DPH6: variants seen among roughly 807,000 people sequenced by gnomAD.
DPH6 encodes diphthine--ammonia ligase.
Under a neutral mutation model 38.2 loss-of-function variants are expected in DPH6, and 33 were observed. That is an observed-to-expected ratio of 0.86 (90% CI 0.65 to 1.15). The LOEUF (loss-of-function observed/expected upper bound fraction) is 1.15, where lower values mean the gene tolerates loss of function less well. Ranked by LOEUF, DPH6 falls within the 50% of genes most tolerant of loss-of-function variation. The pLI, the probability that DPH6 is intolerant of heterozygous loss-of-function variation, is 0.00. For synonymous variants in DPH6, 108 were observed against 103.0 expected (o/e 1.05, Z -0.30); for missense variants, 325 against 320.0 (o/e 1.02, Z -0.12).
At chr15:35,315,068 A>C (rs2052177249) in intron 3 of DPH6, among the ~76,000 whole-genome samples, 1 of 152,142 alleles carries the variant, frequency 6.6e-6, no homozygotes. Context: ...ATGAACCAAA[A>C]ACTGCAATGC....
chr15:35,440,204 G>A (rs989586819), intron 5 of DPH6, among the ~76,000 whole-genome samples: 4 of 152,170 alleles, frequency 2.6e-5, no homozygotes, highest in Admixed American at 6.5e-5. Context: ...GGTGATGGGA[G>A]TAAATAAGGT....
At chr15:35,379,673 A>C (rs527513681) in intron 7 of DPH6, among the ~76,000 whole-genome samples, 1 of 152,324 alleles carries the variant, frequency 6.6e-6, no homozygotes, top group Non-Finnish European at 1.5e-5. Flanking sequence ...GATTTTGTTT[A>C]TATTAAGTGA....
chr15:35,419,496 T>C lies in DPH6; in HGVS notation c.506-8600A>G, dbSNP rs559613819. ...GTTTTAAATTCTCCAATCAAAAATA[T>C]AGAGAGGCAGAATGGATGAAAAAGT... On this transcript the variant is annotated intron_variant, in intron 5 of 8. Transcript: ENST00000256538. Among the ~76,000 whole-genome samples, 9 of 152,154 alleles carry C rather than the reference T, an allele frequency of 5.9e-5. No homozygotes were observed. The East Asian group carries it at 7.7e-4, about 13-fold the overall frequency.
At chr15:35,279,917 C>T (rs753039894) in intron 3 of DPH6, among the ~76,000 whole-genome samples, 1 of 152,010 alleles carries the variant, frequency 6.6e-6, no homozygotes, top group Non-Finnish European at 1.5e-5. Context: ...AAAGCTAATC[C>T]AATAGGACTG....
chr15:35,401,183 G>C, intron 6 of DPH6: 1 of 1,181,112 alleles, frequency 8.5e-7, no homozygotes, highest in East Asian at 2.3e-5. Context: ...TGTGAAGTTA[G>C]GAAAGCCCTG....
In DPH6 at chr15:35,370,997, T is replaced by C. The variant is rs1282509205; in HGVS notation, c.*1153A>G. 2.0e-5 allele frequency: 3 copies of C among 151,542 alleles called. No homozygotes were observed. The allele number at this position is 151,542 out of a possible 1,614,324, so 9.4% of individuals were successfully genotyped here. On this transcript the variant is annotated 3_prime_UTR_variant, in exon 9 of 9. Coordinates refer to ENST00000256538, the MANE Select transcript of DPH6 (RefSeq NM_080650.4). Reference sequence around the variant, plus strand: ...GGTAGAACCAGACAATAAAATTTTATTCTACACTAAAAAAAAAATGAGCTA... The same window carrying C: ...GGTAGAACCAGACAATAAAATTTTACTCTACACTAAAAAAAAAATGAGCTA...
chr15:35,420,109 C>T (rs1355444658), intron 5 of DPH6, among the ~76,000 whole-genome samples: 1 of 151,962 alleles, frequency 6.6e-6, no homozygotes, highest in Non-Finnish European at 1.5e-5. Context: ...TGCTATGAAA[C>T]TAGGTATCAA....
chr15:35,196,672 T>G, the DPH6 span, among the ~76,000 whole-genome samples: 1 of 152,216 alleles, frequency 6.6e-6, no homozygotes. Flanking sequence ...TGACAATGTG[T>G]TGAAAAGAGG....
At chr15:35,496,567 A>AAAAAAATATATATATATATATATATATAT in intron 3 of DPH6, among the ~76,000 whole-genome samples, 1 of 31,016 alleles carries the variant, frequency 3.2e-5, no homozygotes, top group African/African-American at 1.4e-4. Context: ...AAAAAAAAAA[A>AAAAAAATATATATATATATATATATATAT]ATATATATAT....
chr15:35,497,828 A>G (rs1486311244), intron 3 of DPH6, among the ~76,000 whole-genome samples: 1 of 152,228 alleles, frequency 6.6e-6, no homozygotes, highest in Non-Finnish European at 1.5e-5. Flanking sequence ...CAGATACTTA[A>G]AAGACAATAT....
At chr15:35,515,563 T>C (rs1340829201) in intron 3 of DPH6, among the ~76,000 whole-genome samples, 3 of 151,364 alleles carry the variant, frequency 2.0e-5, no homozygotes, top group Non-Finnish European at 4.4e-5. Context: ...CTACTAAAAA[T>C]ATAAAAAATT....
chr15:35,169,211 T>C, the DPH6 span, among the ~76,000 whole-genome samples: 1 of 152,124 alleles, frequency 6.6e-6, no homozygotes, highest in Non-Finnish European at 1.5e-5. Context: ...ATCATATTCA[T>C]GAAAATGTGA....
At chr15:35,503,218 G>T (rs1003225636) in intron 3 of DPH6, among the ~76,000 whole-genome samples, 2 of 151,670 alleles carry the variant, frequency 1.3e-5, no homozygotes, top group African/African-American at 4.8e-5. Flanking sequence ...ACATACCTTT[G>T]TTATAAGTAA....
At chr15:35,299,489 C>G in intron 3 of DPH6, 1 of 746,118 alleles carries the variant, frequency 1.3e-6, no homozygotes, top group Non-Finnish European at 2.5e-6. Context: ...GCCCATGGGC[C>G]GCGGTGGCGG....
At chr15:35,258,891 G>A (rs2051725171) in intron 3 of DPH6, among the ~76,000 whole-genome samples, 1 of 152,058 alleles carries the variant, frequency 6.6e-6, no homozygotes, top group African/African-American at 2.4e-5. Flanking sequence ...GCTCACACCT[G>A]TAACCCCAGC....
In DPH6 at chr15:35,309,797, T is replaced by C. The variant is rs534580696; in HGVS notation, n.200+63724A>G. Reference sequence around the variant, plus strand: ...GAGGTTAAAAAGACATATTTTTTGGTAAAAATAAAATCCCTTTGACTTTTA... The same window carrying C: ...GAGGTTAAAAAGACATATTTTTTGGCAAAAATAAAATCCCTTTGACTTTTA... On this transcript the variant is annotated intron_variant and non_coding_transcript_variant, in intron 3 of 3. Coordinates refer to the DPH6 transcript ENST00000560386. 8.6e-4 allele frequency among the ~76,000 whole-genome samples: 131 copies of C among 152,346 alleles called. 1 individual carries two copies. The highest frequency in any genetic ancestry group is 1.5e-3 in the Non-Finnish European group (102 of 68,030).
intron 3 of DPH6, among the ~76,000 whole-genome samples, chr15:35,300,579 G>C (rs1049469991): frequency 6.6e-6 from 1 of 152,186 alleles, no homozygotes; most frequent in Non-Finnish European, 1.5e-5. Context: ...GAGCAACTGG[G>C]TGAGTATTTA....
At chr15:35,502,619 T>C (rs2054641668) in intron 3 of DPH6, among the ~76,000 whole-genome samples, 1 of 151,810 alleles carries the variant, frequency 6.6e-6, no homozygotes, top group Admixed American at 6.6e-5. Flanking sequence ...AAACAGAAAA[T>C]AGCTTTTTAA....
chr15:35,402,902 T>C (rs1019597662), intron 6 of DPH6, among the ~76,000 whole-genome samples: 1 of 152,080 alleles, frequency 6.6e-6, no homozygotes, highest in African/African-American at 2.4e-5. Context: ...TAATATCTTA[T>C]ATAATTATTT....
Sources: gnomAD v4.1 joint callset for allele counts (sites outside exome capture counted in the v4.1 genomes callset) on GRCh38, gnomAD v4.1.1 for gene constraint, MANE v1.5 for transcripts, NCBI Gene and HGNC (gene_info 2026-07-23, HGNC 2026-07-21) for gene names.